The following ASTN2 variants were observed in gnomAD, a reference collection of about 807,000 sequenced individuals.
ASTN2 encodes the protein astrotactin-2.
ASTN2 carries 54 observed loss-of-function variants against 139.8 expected under a neutral mutation model. That is an observed-to-expected ratio of 0.39 (90% CI 0.31 to 0.48). ASTN2 has a LOEUF of 0.48. Among genes scored for constraint, ASTN2 ranks in the 20% least tolerant of loss-of-function variants. ASTN2 has a pLI of 0.95. For missense variants in ASTN2, 1,565 were observed against 1,725.1 expected (o/e 0.91, Z 1.64); for synonymous variants, 756 against 719.5 (o/e 1.05, Z -0.81).
intron 10 of ASTN2, among the ~76,000 whole-genome samples, chr9:116,934,654 TTACTAATAGG>T (rs1231119343): frequency 2.0e-5 from 3 of 151,820 alleles, no homozygotes; most frequent in African/African-American, 7.3e-5. Flanking sequence ...TCAAGAAAAA[TTACTAATAGG>T]TACTAGGCTT....
intron 7 of ASTN2, among the ~76,000 whole-genome samples, chr9:116,992,957 T>A (rs1363465144): frequency 1.3e-5 from 2 of 152,140 alleles, no homozygotes; most frequent in African/African-American, 4.8e-5. Context: ...GCCACCACCA[T>A]CTCTGGCATC....
At chr9:117,199,082 G>C (rs1439372137) in intron 3 of ASTN2, among the ~76,000 whole-genome samples, 1 of 152,088 alleles carries the variant, frequency 6.6e-6, no homozygotes, top group Non-Finnish European at 1.5e-5. Context: ...TCTGTAGGTT[G>C]CCTGTTCATT....
chr9:117,207,556 C>A (rs1831972013), intron 3 of ASTN2, among the ~76,000 whole-genome samples: 2 of 152,094 alleles, frequency 1.3e-5, no homozygotes, highest in African/African-American at 2.4e-5. Flanking sequence ...CAAACTTATG[C>A]CCATGTCCCA....
At chr9:117,010,606 C>T (rs1478974469) in intron 6 of ASTN2, among the ~76,000 whole-genome samples, 3 of 152,174 alleles carry the variant, frequency 2.0e-5, no homozygotes, top group Admixed American at 2.0e-4. Flanking sequence ...TACCAATTCC[C>T]TTTTCATAGC....
At chr9:117,207,820 A>G (rs1028356374) in intron 3 of ASTN2, among the ~76,000 whole-genome samples, 1 of 152,176 alleles carries the variant, frequency 6.6e-6, no homozygotes, top group African/African-American at 2.4e-5. Context: ...AGTGAGCCCA[A>G]TCCTGGCAAA....
chr9:117,062,232 C>G (rs1268839749), intron 5 of ASTN2, among the ~76,000 whole-genome samples: 1 of 152,204 alleles, frequency 6.6e-6, no homozygotes, highest in Non-Finnish European at 1.5e-5. Context: ...AGGTCAGCCA[C>G]CTCAGCCAAA....
At chr9:117,076,876 T>A (rs115916335) in intron 5 of ASTN2, among the ~76,000 whole-genome samples, 2,086 of 152,304 alleles carry the variant, frequency 0.014, 44 homozygotes, top group African/African-American at 0.048. Flanking sequence ...CCTTTCTTTT[T>A]CTTCTTTTTT....
chr9:116,950,953 C>T (rs1247973473), intron 10 of ASTN2, among the ~76,000 whole-genome samples: 1 of 152,090 alleles, frequency 6.6e-6, no homozygotes, highest in East Asian at 1.9e-4. Context: ...TGTGTCTCTA[C>T]AGCTCCTGGT....
rs956026581 is a variant in ASTN2 at position 117,245,741 on chromosome 9, G to C, written c.631-30999C>G. Among the ~76,000 whole-genome samples the C allele has an allele frequency of 7.2e-5, 11 of 152,158 alleles. 1 individual carries two copies. In the Middle Eastern group the frequency reaches 0.017, roughly 235 times the overall value. ...CGAAACAGTCTTACTTCTGCCCCCT[G>C]GTATCTGCTCACCATCTCCTTGCCT... is the stretch of plus-strand genomic sequence containing the variant. On this transcript the variant is annotated intron_variant, in intron 2 of 22. Coordinates refer to ENST00000313400, the MANE Select transcript of ASTN2 (RefSeq NM_001365068.1).
chr9:116,794,151 G>A (rs1830628923), intron 13 of ASTN2, among the ~76,000 whole-genome samples: 4 of 145,188 alleles, frequency 2.8e-5, no homozygotes. Context: ...AAGCTGGAGT[G>A]CAATGGTGCA....
intron 2 of ASTN2, among the ~76,000 whole-genome samples, chr9:117,270,538 C>G (rs1261867501): frequency 6.6e-6 from 1 of 152,170 alleles, no homozygotes; most frequent in South Asian, 2.1e-4. Flanking sequence ...TAACTTTTCC[C>G]TATTTGCTAC....
At chr9:117,273,972 G>T (rs1045929997) in intron 2 of ASTN2, among the ~76,000 whole-genome samples, 2 of 152,188 alleles carry the variant, frequency 1.3e-5, no homozygotes, top group African/African-American at 4.8e-5. Flanking sequence ...AGGAGTAGAA[G>T]ATAGTCCCCT....
At chr9:116,650,794 C>T (rs1400806360) in intron 17 of ASTN2, among the ~76,000 whole-genome samples, 1 of 152,072 alleles carries the variant, frequency 6.6e-6, no homozygotes, top group Admixed American at 6.6e-5. Context: ...ATGACATTTG[C>T]CACTTTCAGG....
chr9:116,672,806 C>G (rs1367711336), intron 16 of ASTN2, among the ~76,000 whole-genome samples: 1 of 152,192 alleles, frequency 6.6e-6, no homozygotes, highest in East Asian at 1.9e-4. Flanking sequence ...ACCCTTCCAA[C>G]TGGGTGGTGT....
intron 6 of ASTN2, among the ~76,000 whole-genome samples, chr9:117,015,463 G>A (rs949216212): frequency 3.9e-5 from 6 of 152,096 alleles, no homozygotes; most frequent in Non-Finnish European, 8.8e-5. Context: ...TATAACAAAT[G>A]TCATGAATAA....
At chr9:116,577,624 T>G (rs1015821147) in intron 19 of ASTN2, among the ~76,000 whole-genome samples, 10 of 152,178 alleles carry the variant, frequency 6.6e-5, no homozygotes, top group African/African-American at 2.4e-4. Flanking sequence ...TGAGTTGAGT[T>G]GAAGAGAACA....
intron 16 of ASTN2, chr9:116,686,663 A>C (rs773943651): frequency 1.1e-5 from 17 of 1,545,380 alleles, no homozygotes; most frequent in Non-Finnish European, 1.5e-5. Context: ...CCTTCACCCG[A>C]GCAAAACTAC....
chr9:116,630,840 T>TAA lies in ASTN2; in HGVS notation c.3073-10399_3073-10398dup, dbSNP rs145218174. Among the ~76,000 whole-genome samples, 2,911 of 151,606 alleles carry TAA rather than the reference T, an allele frequency of 0.019. 396 individuals are homozygous for TAA. In the South Asian group the frequency reaches 0.29, roughly 15 times the overall value. On this transcript the variant is annotated intron_variant, in intron 17 of 22. Transcript: ENST00000313400. ...ACAAAGGGTTAATATCCAGAATATA[T>TAA]AATAGCAAAAAAATCCCAAAACAGA...
chr9:117,079,216 T>C (rs1828359530), intron 5 of ASTN2, among the ~76,000 whole-genome samples: 1 of 152,026 alleles, frequency 6.6e-6, no homozygotes, highest in Non-Finnish European at 1.5e-5. Flanking sequence ...ATTAGCCACG[T>C]GTGGTGGTGC....
Sources: allele counts gnomAD v4.1 joint callset (sites outside exome capture counted in the v4.1 genomes callset), GRCh38; gene constraint gnomAD v4.1.1; transcripts MANE v1.5; gene names NCBI Gene and HGNC (gene_info 2026-07-23, HGNC 2026-07-21).